Variants in GRXCR2 observed in about 807,000 individuals in gnomAD.
GRXCR2 encodes the protein glutaredoxin and cysteine rich domain containing 2.
A neutral mutation model predicts 24.8 loss-of-function variants in GRXCR2; 23 were observed. That is an observed-to-expected ratio of 0.93 (90% confidence interval 0.67 to 1.32). GRXCR2 has a LOEUF of 1.32. Among genes scored for constraint, GRXCR2 ranks in the 40% most tolerant of loss-of-function variants. The pLI is 0.00. For missense variants in GRXCR2, 315 were observed against 303.4 expected, an observed-to-expected ratio of 1.04 and a Z score of -0.28; for synonymous variants, 130 against 116.1, an observed-to-expected ratio of 1.12 and a Z score of -0.77.
intron 2 of GRXCR2, among the ~76,000 whole-genome samples, chr5:145,860,967 C>A (rs1441910856): frequency 6.6e-6 from 1 of 152,048 alleles, no homozygotes; most frequent in African/African-American, 2.4e-5. Flanking sequence ...TTGCTCTCCC[C>A]CTTAAAGCTA....
At chr5:145,922,255 G>A (rs1169721614) in intron 2 of GRXCR2, among the ~76,000 whole-genome samples, 1 of 152,170 alleles carries the variant, frequency 6.6e-6, no homozygotes, top group Non-Finnish European at 1.5e-5. Context: ...TTGTGTCTCT[G>A]TATCTGTTTG....
chr5:145,911,541 CTT>C (rs553533809), intron 2 of GRXCR2, among the ~76,000 whole-genome samples: 190 of 152,262 alleles, frequency 1.2e-3, no homozygotes, highest in Non-Finnish European at 2.1e-3. Flanking sequence ...GAGATGAAAA[CTT>C]TGGAAGAACT....
chr5:145,889,172 A>AAAAG (rs557521873), intron 2 of GRXCR2, among the ~76,000 whole-genome samples: 9,910 of 83,734 alleles, frequency 0.12, 1,054 homozygotes, highest in East Asian at 0.18. Context: ...CTGTCTCAAA[A>AAAAG]AAAGAAAGAA....
chr5:145,922,373 A>G (rs1028085958), intron 2 of GRXCR2, among the ~76,000 whole-genome samples: 3 of 152,150 alleles, frequency 2.0e-5, no homozygotes, highest in African/African-American at 7.2e-5. Context: ...CCTCTTCAGG[A>G]AAGTCTTCCC....
chr5:145,914,998 A>G (rs1757217669), intron 2 of GRXCR2, among the ~76,000 whole-genome samples: 1 of 152,184 alleles, frequency 6.6e-6, no homozygotes, highest in Non-Finnish European at 1.5e-5. Context: ...TAAGAATGAA[A>G]AATCCTGGAT....
intron 2 of GRXCR2, among the ~76,000 whole-genome samples, chr5:145,905,593 A>G (rs1757080563): frequency 1.3e-5 from 2 of 152,216 alleles, no homozygotes; most frequent in Admixed American, 6.5e-5. Flanking sequence ...ACCTTCAAAA[A>G]TGCTGCTTCA....
intron 2 of GRXCR2, among the ~76,000 whole-genome samples, chr5:145,897,052 C>G (rs1174264383): frequency 6.8e-6 from 1 of 146,202 alleles, no homozygotes. Context: ...CCAAACACCA[C>G]ATGTTCTCAC....
chr5:145,898,186 A>G (rs972764046), intron 2 of GRXCR2, among the ~76,000 whole-genome samples: 1 of 152,004 alleles, frequency 6.6e-6, no homozygotes, highest in Non-Finnish European at 1.5e-5. Context: ...TATTATGAAC[A>G]CCTCTACACA....
At chr5:145,876,117 C>T (rs1193629826), upstream of GRXCR2, among the ~76,000 whole-genome samples, 1 of 149,112 alleles carries the variant, frequency 6.7e-6, no homozygotes, top group African/African-American at 2.5e-5. Flanking sequence ...AAGCCAGCTA[C>T]AATTATGCCA....
chr5:145,874,062 A>G (rs1201658716), upstream of GRXCR2, among the ~76,000 whole-genome samples: 1 of 152,156 alleles, frequency 6.6e-6, no homozygotes, highest in Admixed American at 6.6e-5. Context: ...AGAAAATGGT[A>G]GGTTGGATGT....
intron 2 of GRXCR2, among the ~76,000 whole-genome samples, chr5:145,887,515 G>T (rs1261671960): frequency 6.6e-5 from 10 of 152,074 alleles, no homozygotes; most frequent in Admixed American, 5.9e-4. Flanking sequence ...ACATTTCGTG[G>T]GTGAGAGGCT....
chr5:145,921,130 A>G (rs543425864), intron 2 of GRXCR2, among the ~76,000 whole-genome samples: 7 of 152,376 alleles, frequency 4.6e-5, no homozygotes, highest in African/African-American at 1.4e-4. Context: ...AACCCATGTC[A>G]GGTAGGCATT....
At chr5:145,903,397 A>G (rs1254661871) in intron 2 of GRXCR2, among the ~76,000 whole-genome samples, 1 of 152,126 alleles carries the variant, frequency 6.6e-6, no homozygotes, top group Non-Finnish European at 1.5e-5. Context: ...CCCTGCTAAG[A>G]GGCAGTTTCC....
chr5:145,909,849 A>G (rs916683270), intron 2 of GRXCR2, among the ~76,000 whole-genome samples: 1 of 152,114 alleles, frequency 6.6e-6, no homozygotes, highest in African/African-American at 2.4e-5. Context: ...TGGGATAAAT[A>G]TTGCTGATCT....
At chr5:145,896,161 C>T (rs1756944812) in intron 2 of GRXCR2, among the ~76,000 whole-genome samples, 1 of 152,034 alleles carries the variant, frequency 6.6e-6, no homozygotes, top group Non-Finnish European at 1.5e-5. Context: ...AAATGTTAGA[C>T]CTAAAACCAT....
chr5:145,901,126 A>G (rs1009219113), intron 2 of GRXCR2, among the ~76,000 whole-genome samples: 1 of 142,254 alleles, frequency 7.0e-6, no homozygotes, highest in Non-Finnish European at 1.5e-5. Flanking sequence ...CATGGCAACA[A>G]CAGACACTGG....
chr5:145,897,845 T>C (rs535032318), intron 2 of GRXCR2, among the ~76,000 whole-genome samples: 75 of 152,180 alleles, frequency 4.9e-4, no homozygotes, highest in Non-Finnish European at 1.0e-3. Context: ...TTTATAGCAC[T>C]AAATGCCTAC....
chr5:145,913,033 A>G lies in GRXCR2; in HGVS notation c.-70+22668T>C, dbSNP rs369005025. 5.9e-4 allele frequency among the ~76,000 whole-genome samples: 90 copies of G among 152,340 alleles called. 3 individuals carry two copies. In the South Asian group the frequency reaches 0.017, roughly 29 times the overall value. On this transcript the variant is annotated intron_variant, in intron 2 of 3. Transcript: ENST00000639411. ...TGTTAGCATCTATCCTTTTTAAACAAATTTTTATTTCAGAGTAATTTTAGA... is the reference window on the plus strand; with the variant it reads ...TGTTAGCATCTATCCTTTTTAAACAGATTTTTATTTCAGAGTAATTTTAGA...
upstream of GRXCR2, among the ~76,000 whole-genome samples, chr5:145,873,254 T>A (rs1756563440): frequency 6.6e-6 from 1 of 152,214 alleles, no homozygotes; most frequent in South Asian, 2.1e-4. Context: ...TAACCTTTCT[T>A]AACCTGAGGA....
Sources: allele counts gnomAD v4.1 joint callset (sites outside exome capture counted in the v4.1 genomes callset), GRCh38; gene constraint gnomAD v4.1.1; transcripts MANE v1.5; gene names NCBI Gene and HGNC (gene_info 2026-07-23, HGNC 2026-07-21).